The following PRKG1 variants were observed in gnomAD, a reference collection of about 807,000 sequenced individuals.
PRKG1 encodes the protein cGMP-dependent protein kinase 1.
PRKG1 carries 35 observed loss-of-function variants against 88.1 expected under a neutral mutation model. The observed-to-expected ratio is 0.40, with a 90% CI of 0.30 to 0.53. The LOEUF (loss-of-function observed/expected upper bound fraction) is 0.53. Among genes scored for constraint, PRKG1 ranks in the 20% least tolerant of loss-of-function variants. PRKG1 has a pLI of 0.59. For missense variants in PRKG1, 540 were observed against 839.8 expected, an observed-to-expected ratio of 0.64 and a Z score of 4.41; for synonymous variants, 303 against 292.5, an observed-to-expected ratio of 1.04 and a Z score of -0.37.
At chr10:51,321,644 A>G (rs868241264) in intron 2 of PRKG1, among the ~76,000 whole-genome samples, 11 of 152,134 alleles carry the variant, frequency 7.2e-5, no homozygotes, top group Admixed American at 2.0e-4. Context: ...GGGATGGTTA[A>G]TGGGTACGAA....
chr10:51,696,808 A>G (rs779038832), intron 3 of PRKG1: 2 of 152,170 alleles, frequency 1.3e-5, no homozygotes, highest in Non-Finnish European at 2.9e-5. Flanking sequence ...ATGAAAAGTC[A>G]AATACCATTT....
At chr10:51,689,916 T>A (rs72797356) in intron 3 of PRKG1, among the ~76,000 whole-genome samples, 15,189 of 152,248 alleles carry the variant, frequency 0.1, 859 homozygotes, top group African/African-American at 0.15. Flanking sequence ...ATTGGTATAC[T>A]TAAGGCTTGT....
At chr10:51,219,256 T>C (rs1008434077) in intron 2 of PRKG1, among the ~76,000 whole-genome samples, 2 of 152,182 alleles carry the variant, frequency 1.3e-5, no homozygotes, top group Non-Finnish European at 2.9e-5. Context: ...TATATATAAA[T>C]TGTTAAACAT....
intron 5 of PRKG1, among the ~76,000 whole-genome samples, chr10:52,050,920 A>T (rs546843690): frequency 6.6e-6 from 1 of 152,286 alleles, no homozygotes; most frequent in Non-Finnish European, 1.5e-5. Flanking sequence ...TTTGTTCCCA[A>T]TGGAGTAATT....
intron 3 of PRKG1, among the ~76,000 whole-genome samples, chr10:51,544,663 G>C (rs989022437): frequency 6.6e-6 from 1 of 152,066 alleles, no homozygotes; most frequent in Non-Finnish European, 1.5e-5. Context: ...CTAGTTTACA[G>C]TCCCACCAAC....
At chr10:51,902,359 G>C (rs971446921) in intron 4 of PRKG1, among the ~76,000 whole-genome samples, 3 of 151,896 alleles carry the variant, frequency 2.0e-5, no homozygotes, top group African/African-American at 7.3e-5. Context: ...CAGGTGATCT[G>C]CCTGCCTAGG....
At chr10:51,029,827 A>T (rs143610691) in intron 1 of PRKG1, among the ~76,000 whole-genome samples, 1 of 152,280 alleles carries the variant, frequency 6.6e-6, no homozygotes, top group Non-Finnish European at 1.5e-5. Flanking sequence ...GAGTTAGATT[A>T]CCTGCGTCCA....
intron 4 of PRKG1, among the ~76,000 whole-genome samples, chr10:51,892,817 A>G (rs1841754780): frequency 6.6e-6 from 1 of 152,186 alleles, no homozygotes; most frequent in Non-Finnish European, 1.5e-5. Flanking sequence ...GTTGAAGAAC[A>G]AGGAGTGGGG....
chr10:51,949,040 G>C (rs751141899), intron 5 of PRKG1, among the ~76,000 whole-genome samples: 1 of 152,012 alleles, frequency 6.6e-6, no homozygotes, highest in Non-Finnish European at 1.5e-5. Flanking sequence ...TTGCGTCTTT[G>C]TCTTCTGCAT....
rs1365801637 is a variant in PRKG1 at position 51,671,530 on chromosome 10, C to T, written c.593-133055C>T. Among the ~76,000 whole-genome samples, 19 of 152,020 alleles carry T rather than the reference C, an allele frequency of 1.2e-4. 1 individual carries two copies. The highest frequency in any genetic ancestry group is 1.2e-3 in the Admixed American group (19 of 15,252). On this transcript the variant is annotated intron_variant, in intron 3 of 17. Coordinates refer to ENST00000373980, the MANE Select transcript of PRKG1 (RefSeq NM_006258.4). ...TTCGGTATCTGCCTCTACATTCACA[C>T]TGTTGTCTGCCTTCTGTATATTTCT...
At chr10:51,086,594 T>A (rs1844254233) in intron 1 of PRKG1, among the ~76,000 whole-genome samples, 1 of 152,178 alleles carries the variant, frequency 6.6e-6, no homozygotes, top group South Asian at 2.1e-4. Context: ...ATAACCACGA[T>A]AGTTTAAGCA....
In PRKG1 at chr10:51,000,697, T is replaced by C. The variant is rs369628147; in HGVS notation, c.266+9053T>C. On this transcript the variant is annotated intron_variant, in intron 1 of 17. Coordinates refer to the PRKG1 transcript ENST00000401604. ...CAACAATCACATCAAATCCATGCTG[T>C]GTAGCTATGTTGCTGAGGGTAAGGC... is the stretch of plus-strand genomic sequence containing the variant. 4.0e-4 allele frequency among the ~76,000 whole-genome samples: 61 copies of C among 152,342 alleles called. 2 individuals carry two copies. The South Asian group carries it at 0.012, about 29-fold the overall frequency.
In PRKG1 at chr10:51,610,197, T is replaced by C. The variant is rs1838871570; in HGVS notation, c.592+142361T>C. ...TACAATACACTGTCATTAACTATAGTAACCTTACTAATCTATCAAAGAAGA... is the reference window on the plus strand; with the variant it reads ...TACAATACACTGTCATTAACTATAGCAACCTTACTAATCTATCAAAGAAGA... On this transcript the variant is annotated intron_variant, in intron 3 of 17. Transcript: ENST00000373980. Among the ~76,000 whole-genome samples, 3 of 152,144 alleles carry C rather than the reference T, an allele frequency of 2.0e-5. No individual in the cohort carries two copies. The South Asian group carries it at 6.2e-4, about 32-fold the overall frequency.
intron 5 of PRKG1, among the ~76,000 whole-genome samples, chr10:51,967,956 C>G (rs1843613857): frequency 6.6e-6 from 1 of 152,196 alleles, no homozygotes; most frequent in South Asian, 2.1e-4. Context: ...CTCAGTGATT[C>G]TGTTCACTAA....
chr10:51,835,254 G>T (rs976807483), intron 4 of PRKG1, among the ~76,000 whole-genome samples: 1 of 152,206 alleles, frequency 6.6e-6, no homozygotes, highest in African/African-American at 2.4e-5. Context: ...AGGAAGTGCT[G>T]TTTTGAAGAA....
chr10:52,068,685 T>TCAC (rs1259688700), intron 7 of PRKG1, among the ~76,000 whole-genome samples: 5 of 152,006 alleles, frequency 3.3e-5, no homozygotes, highest in Non-Finnish European at 7.4e-5. Flanking sequence ...ATCATCTTCA[T>TCAC]CATCATCATC....
Position 51,270,443 on chromosome 10 carries a change from T to G in PRKG1, c.478+117113T>G, listed in dbSNP as rs74555337. Among the ~76,000 whole-genome samples, 368 of 152,272 alleles carry G rather than the reference T, an allele frequency of 2.4e-3. 2 individuals are homozygous for G. The highest frequency in any genetic ancestry group is 8.7e-3 in the African/African-American group (360 of 41,548). On this transcript the variant is annotated intron_variant, in intron 2 of 17. Coordinates refer to ENST00000373980, the MANE Select transcript of PRKG1 (RefSeq NM_006258.4). ...ATGCCTTCAAATACCTTTCCATAGT[T>G]AAATACCCCCTTTGAAGTTATTATG...
At chr10:51,074,206 G>C (rs1843885173), upstream of PRKG1, 1 of 171,732 alleles carries the variant, frequency 5.8e-6, no homozygotes, top group Non-Finnish European at 1.2e-5. Flanking sequence ...CCCGGCGCGA[G>C]GGACTCTGAG....
chr10:51,970,050 A>ACACACACACACC lies in PRKG1; in HGVS notation c.762+62481_762+62482insACACACACACCC, dbSNP rs983494491. Among the ~76,000 whole-genome samples the ACACACACACACC allele has an allele frequency of 7.0e-4, 93 of 133,542 alleles. 1 individual carries two copies. Among genetic ancestry groups the ACACACACACACC allele is most frequent in the Non-Finnish European group, 1.1e-3 (71 of 63,488 alleles). 87.6% of individuals were successfully genotyped at this position (133,542 alleles called of 152,430 possible). On this transcript the variant is annotated intron_variant, in intron 5 of 17. Coordinates refer to ENST00000373980, the MANE Select transcript of PRKG1 (RefSeq NM_006258.4). ...CACACACACACACACACACACACAC[A>ACACACACACACC]CCCATATTTATTTATATATTTTTCT...
Sources: gnomAD v4.1 joint callset for allele counts (sites outside exome capture counted in the v4.1 genomes callset) on GRCh38, gnomAD v4.1.1 for gene constraint, MANE v1.5 for transcripts, NCBI Gene and HGNC (gene_info 2026-07-23, HGNC 2026-07-21) for gene names.